ATG5: variants seen among roughly 807,000 people sequenced by gnomAD.
ATG5 encodes autophagy protein 5.
Under a neutral mutation model 36.5 loss-of-function variants are expected in ATG5, and 14 were observed. The ratio of observed to expected loss-of-function variants is 0.38; its 90% CI spans 0.25 to 0.60. ATG5 has a LOEUF of 0.60. ATG5 is among the 20% of genes least tolerant of loss of function. The probability of loss-of-function intolerance (pLI) is 0.60; values close to 1 mark genes in which losing one functional copy is unlikely to be tolerated. For synonymous variants in ATG5, 95 were observed against 101.5 expected, an observed-to-expected ratio of 0.94 and a Z score of 0.38; for missense variants, 195 against 326.7, an observed-to-expected ratio of 0.60 and a Z score of 3.11.
chr6:106,187,840 AGGT>A (rs1775831422), intron 7 of ATG5, among the ~76,000 whole-genome samples: 1 of 152,208 alleles, frequency 6.6e-6, no homozygotes, highest in East Asian at 1.9e-4. Flanking sequence ...GCACAGTCCC[AGGT>A]GACAGTCAAC....
intron 5 of ATG5, among the ~76,000 whole-genome samples, chr6:106,270,504 A>G (rs538002385): frequency 2.6e-5 from 4 of 152,344 alleles, no homozygotes; most frequent in East Asian, 3.9e-4. Context: ...AGGTGGCTCC[A>G]TATTTCATTG....
At position 106,202,084 on chromosome 6, in the gene ATG5, CGTT is replaced by C; in HGVS notation, c.576_578del (p.Thr194del). On this transcript the variant is annotated inframe_deletion and splice_region_variant, in exon 7 of 8. Coordinates refer to ENST00000369076, the MANE Select transcript of ATG5 (RefSeq NM_004849.4). ...GCTTCTGAATGAAAGGTCTTTCAGT[CGTT>C]GTCTATTTGAAAAAGGAAAAAATGA... 1 of 1,612,744 alleles carries C rather than the reference CGTT, an allele frequency of 6.2e-7. No individual in the cohort carries two copies. The highest frequency in any genetic ancestry group is 8.5e-7 in the Non-Finnish European group (1 of 1,179,162).
chr6:106,264,200 A>G (rs1413683046), intron 5 of ATG5, among the ~76,000 whole-genome samples: 1 of 152,192 alleles, frequency 6.6e-6, no homozygotes, highest in East Asian at 1.9e-4. Flanking sequence ...TGAAGCATAT[A>G]CAAGTATCAA....
At chr6:106,312,651 C>CACACACACAT (rs1770693529) in intron 2 of ATG5, among the ~76,000 whole-genome samples, 1 of 138,060 alleles carries the variant, frequency 7.2e-6, no homozygotes, top group Non-Finnish European at 1.6e-5. Context: ...CACACACACA[C>CACACACACAT]ACACACACAT....
chr6:106,301,583 T>C (rs1770209128), intron 3 of ATG5, among the ~76,000 whole-genome samples: 2 of 152,032 alleles, frequency 1.3e-5, no homozygotes, highest in Admixed American at 1.3e-4. Flanking sequence ...AACAAACATT[T>C]ACTTATCCCC....
intron 5 of ATG5, among the ~76,000 whole-genome samples, chr6:106,269,665 G>T (rs1388934998): frequency 3.3e-5 from 5 of 152,212 alleles, no homozygotes; most frequent in African/African-American, 1.2e-4. Flanking sequence ...GCCCCTCATT[G>T]CCCGGGGCCG....
chr6:106,308,979 C>CAA (rs34408804), intron 2 of ATG5, among the ~76,000 whole-genome samples: 4 of 148,602 alleles, frequency 2.7e-5, no homozygotes, highest in Non-Finnish European at 4.5e-5. Flanking sequence ...GGTAAAGCCT[C>CAA]AAAAAAAAAC....
At chr6:106,216,396 T>C (rs1216061055) in intron 6 of ATG5, among the ~76,000 whole-genome samples, 1 of 152,194 alleles carries the variant, frequency 6.6e-6, no homozygotes, top group African/African-American at 2.4e-5. Flanking sequence ...GGTATCTTCA[T>C]ACAACTATTA....
intron 2 of ATG5, among the ~76,000 whole-genome samples, chr6:106,311,275 A>T (rs1365802892): frequency 6.6e-6 from 1 of 152,240 alleles, no homozygotes; most frequent in Admixed American, 6.5e-5. Flanking sequence ...AGCAAAAAAG[A>T]TACAAAAAAA....
In ATG5 at chr6:106,253,113, T is replaced by G. The variant is rs186949080; in HGVS notation, c.479-4869A>C. Among the ~76,000 whole-genome samples the G allele has an allele frequency of 3.3e-5, 5 of 152,334 alleles. No homozygotes were observed. The East Asian group carries it at 9.6e-4, about 29-fold the overall frequency. On this transcript the variant is annotated intron_variant, in intron 5 of 7. Coordinates refer to ENST00000369076, the MANE Select transcript of ATG5 (RefSeq NM_004849.4). ...ATTAATTTCTTCATACGTAATATGTTAAACATCTCTGTAAGACAAAACAGG... is the reference window on the plus strand; with the variant it reads ...ATTAATTTCTTCATACGTAATATGTGAAACATCTCTGTAAGACAAAACAGG...
rs79687682 is a variant in ATG5 at position 106,214,696 on chromosome 6, A to G, written c.574-12607T>C. On this transcript the variant is annotated intron_variant, in intron 6 of 7. Coordinates refer to ENST00000369076, the MANE Select transcript of ATG5 (RefSeq NM_004849.4). Reference sequence around the variant, plus strand: ...AAACACTTGAGGCAAATTTTCTTCAAATAAGCGCAACACTTTGTTTCCTCT... The same window carrying G: ...AAACACTTGAGGCAAATTTTCTTCAGATAAGCGCAACACTTTGTTTCCTCT... 2.9e-3 allele frequency among the ~76,000 whole-genome samples: 446 copies of G among 152,286 alleles called. 1 individual carries two copies. Among genetic ancestry groups the G allele is most frequent in the African/African-American group, 0.01 (417 of 41,566 alleles).
chr6:106,202,442 A>T (rs751403070), intron 6 of ATG5: 4 of 163,700 alleles, frequency 2.4e-5, no homozygotes, highest in Non-Finnish European at 5.3e-5. Flanking sequence ...CAAATACAAA[A>T]CATAAACCAT....
chr6:106,276,790 G>C (rs1582643246), intron 5 of ATG5, among the ~76,000 whole-genome samples: 1 of 152,048 alleles, frequency 6.6e-6, no homozygotes, highest in Middle Eastern at 3.4e-3. Flanking sequence ...TTCTATTTAG[G>C]CTATCTTCTT....
chr6:106,314,147 G>C (rs890774100), intron 2 of ATG5, among the ~76,000 whole-genome samples: 4 of 152,130 alleles, frequency 2.6e-5, no homozygotes, highest in Non-Finnish European at 4.4e-5. Context: ...AACAACTTAC[G>C]CTCTAGTGCT....
intron 6 of ATG5, among the ~76,000 whole-genome samples, chr6:106,234,625 T>C (rs1445780988): frequency 1.3e-5 from 2 of 152,240 alleles, no homozygotes; most frequent in Admixed American, 1.3e-4. Flanking sequence ...CTTCAGAATC[T>C]ATGTGCTTCC....
intron 6 of ATG5, among the ~76,000 whole-genome samples, chr6:106,243,904 CTTTTT>C (rs35701133): frequency 7.3e-5 from 4 of 54,908 alleles, no homozygotes; most frequent in East Asian, 7.1e-4. Context: ...AGGAACCATC[CTTTTT>C]TTTTTTTTTT....
chr6:106,318,998 T>C (rs1002542368), intron 1 of ATG5, among the ~76,000 whole-genome samples: 3 of 152,172 alleles, frequency 2.0e-5, no homozygotes, highest in South Asian at 2.1e-4. Flanking sequence ...CAGTAGAAGT[T>C]AGAAATGTAA....
At chr6:106,309,715 T>C (rs1770578100) in intron 2 of ATG5, among the ~76,000 whole-genome samples, 2 of 152,260 alleles carry the variant, frequency 1.3e-5, no homozygotes, top group Non-Finnish European at 2.9e-5. Flanking sequence ...AGTGTAGTCT[T>C]TCAGAAATGA....
intron 3 of ATG5, among the ~76,000 whole-genome samples, chr6:106,299,563 T>A (rs1415731779): frequency 4.6e-5 from 7 of 152,250 alleles, no homozygotes; most frequent in Admixed American, 3.9e-4. Flanking sequence ...TTTTACACTT[T>A]GTTCTTTTTC....
Sources: gnomAD v4.1 joint callset for allele counts (sites outside exome capture counted in the v4.1 genomes callset) on GRCh38, gnomAD v4.1.1 for gene constraint, MANE v1.5 for transcripts, NCBI Gene and HGNC (gene_info 2026-07-23, HGNC 2026-07-21) for gene names.